PTPN18: variants seen among roughly 807,000 people sequenced by gnomAD.
The protein encoded by PTPN18 is tyrosine-protein phosphatase non-receptor type 18.
Under a neutral mutation model 65.4 loss-of-function variants are expected in PTPN18, and 65 were observed. That is an observed-to-expected ratio of 0.99 (90% confidence interval 0.81 to 1.22). The LOEUF is 1.22. Among genes scored for constraint, PTPN18 ranks in the 50% most tolerant of loss-of-function variants. The pLI is 0.00. For missense variants in PTPN18, 616 were observed against 646.5 expected (o/e 0.95, Z 0.51); for synonymous variants, 255 against 267.8 (o/e 0.95, Z 0.47).
chr2:130,372,418 T>A lies in PTPN18; in HGVS notation c.1175T>A (p.Val392Glu), dbSNP rs942692741. 1.5e-6 allele frequency: 2 copies of A among 1,366,382 alleles called. No homozygotes were observed. Among genetic ancestry groups the A allele is most frequent in the Admixed American group, 7.5e-5 (2 of 26,548 alleles). 84.6% of individuals were successfully genotyped at this position (1,366,382 alleles called of 1,614,324 possible). A position where few individuals can be genotyped will look rare whatever the true frequency, so the allele number is the denominator to read the frequency against. Reference sequence around the variant, plus strand: ...GAGGAGGCGCCGCTCTACAGCAAGGTGACGCCGCGCGCCCAGCGACCCGGG... The same window carrying A: ...GAGGAGGCGCCGCTCTACAGCAAGGAGACGCCGCGCGCCCAGCGACCCGGG... ...SAEEAPLYSK[V>E]TPRAQRPGAH... Residue 392 changes from valine (V) to glutamate (E), a missense_variant, in exon 13 of 15, where the codon GTG (valine) becomes GAG (glutamate). By Grantham distance (121) the Val-to-Glu change is moderately radical. Around this residue, in one of 3 missense-constraint regions of PTPN18, gnomAD observed 368 missense variants for 386.7 expected, o/e 0.95. Transcript: ENST00000175756.
intron 2 of PTPN18, 81 bp downstream of exon 2, chr2:130,359,056 C>G: frequency 6.7e-7 from 1 of 1,495,998 alleles, no homozygotes; most frequent in South Asian, 1.2e-5. Flanking sequence ...CTGGAGTCAC[C>G]CACTGTGCTC....
At chr2:130,358,235 T>G (rs971495725) in intron 1 of PTPN18, among the ~76,000 whole-genome samples, 1 of 152,234 alleles carries the variant, frequency 6.6e-6, no homozygotes, top group Non-Finnish European at 1.5e-5. Flanking sequence ...GAATAGTGGC[T>G]GGCACACAGT....
Position 130,361,519 on chromosome 2 carries a change from T to TC in PTPN18, c.414+1873_414+1874insC, listed in dbSNP as rs1491119204. 4.8e-4 allele frequency among the ~76,000 whole-genome samples: 25 copies of TC among 51,666 alleles called. No homozygotes were observed. The East Asian group carries it at 0.013, about 26-fold the overall frequency. 33.9% of individuals were successfully genotyped at this position (51,666 alleles called of 152,430 possible). A position where few individuals can be genotyped will look rare whatever the true frequency, so the allele number is the denominator to read the frequency against. ...AATTTCTTTCTTTTCTTTCTCTTTC[T>TC]TTCTTTCTTTCTTTCTTTCTTTCTT... is the stretch of plus-strand genomic sequence containing the variant. On this transcript the variant is annotated intron_variant, in intron 5 of 14. Transcript: ENST00000175756.
At chr2:130,369,270 A>G in intron 6 of PTPN18, 69 bp downstream of exon 6, 1 of 1,441,840 alleles carries the variant, frequency 6.9e-7, no homozygotes, top group Non-Finnish European at 9.7e-7. Context: ...TAAAAGGTTG[A>G]ATGATTTAAC....
chr2:130,359,171 G>C, intron 2 of PTPN18, 62 bp from the exon 3 acceptor site: 1 of 1,595,170 alleles, frequency 6.3e-7, no homozygotes, highest in Admixed American at 1.7e-5. Flanking sequence ...CTAGGGGGCT[G>C]TCAGAGGCTC....
At chr2:130,363,965 T>C (rs1479648192) in intron 5 of PTPN18, among the ~76,000 whole-genome samples, 1 of 151,940 alleles carries the variant, frequency 6.6e-6, no homozygotes, top group Admixed American at 6.6e-5. Context: ...TTTTTAATTA[T>C]AGCCATCCTA....
Position 130,359,320 on chromosome 2 carries a change from G to A in PTPN18, c.279+11G>A. ...GGCAACTTCATCCGGGTGAGGGTTG[G>A]GGTCACGGAAGGAGGTGGACTGGGA... is the stretch of plus-strand genomic sequence containing the variant. On this transcript the variant is annotated intron_variant, in intron 3 of 14. Coordinates refer to ENST00000175756, the MANE Select transcript of PTPN18 (RefSeq NM_014369.4). 2 of 1,614,186 alleles carry A rather than the reference G, an allele frequency of 1.2e-6. No homozygotes were observed. The highest frequency in any genetic ancestry group is 1.7e-6 in the Non-Finnish European group (2 of 1,180,034).
intron 2 of PTPN18, 41 bp downstream of exon 2, chr2:130,359,016 C>T (rs780486903): frequency 2.0e-5 from 32 of 1,590,660 alleles, no homozygotes; most frequent in Middle Eastern, 1.7e-4. Flanking sequence ...CAGCCTTGCA[C>T]GCCCTGCCAC....
In PTPN18 at chr2:130,359,656, C is replaced by A; in HGVS notation, c.414+10C>A. The A allele has an allele frequency of 1.2e-6, 2 of 1,613,608 alleles. No homozygotes were observed. The highest frequency in any genetic ancestry group is 1.7e-6 in the Non-Finnish European group (2 of 1,179,516). ...GATAGAGAATGGGCGGGTAGGTGCC[C>A]TCTGCCCCCAGGTTTCATGTCCTTG... On this transcript the variant is annotated intron_variant, in intron 5 of 14. Coordinates refer to ENST00000175756, the MANE Select transcript of PTPN18 (RefSeq NM_014369.4).
chr2:130,360,518 T>C (rs1477059441), intron 5 of PTPN18, among the ~76,000 whole-genome samples: 2 of 152,176 alleles, frequency 1.3e-5, no homozygotes, highest in African/African-American at 4.8e-5. Context: ...TCTCTCTCTC[T>C]CTCTGTCTCA....
At chr2:130,369,675 C>T in intron 6 of PTPN18, 90 bp from the exon 7 acceptor site, 2 of 1,300,600 alleles carry the variant, frequency 1.5e-6, no homozygotes, top group South Asian at 1.4e-5. Context: ...ATTTTTTAAT[C>T]AGGAATGCTT....
intron 1 of PTPN18, among the ~76,000 whole-genome samples, chr2:130,357,542 A>G (rs182560690): frequency 6.6e-6 from 1 of 152,374 alleles, no homozygotes; most frequent in African/African-American, 2.4e-5. Flanking sequence ...TTATTTGATA[A>G]ATTCATAAGT....
Position 130,359,406 on chromosome 2 carries a change from G to T in PTPN18, c.289G>T (p.Gly97Ter). 6.2e-7 allele frequency: 1 copy of T among 1,614,172 alleles called. No individual in the cohort carries two copies. Among genetic ancestry groups the T allele is most frequent in the Non-Finnish European group, 8.5e-7 (1 of 1,180,020 alleles). Residue 97 changes from glycine (G) to a stop codon, truncating the protein, a stop_gained, in exon 4 of 15, where the codon GGA (glycine) becomes TGA (stop). Transcript: ENST00000175756. LOFTEE classifies it high-confidence loss of function. Reference protein sequence around the residue: ...INGNFIRGVDGSLAYIATQGP... With the variant: ...INGNFIRGVD ...ATTCGGCCTTCACCAGGGCGTGGAT[G>T]GAAGCCTGGCCTACATTGCCACGCA...
Position 130,365,622 on chromosome 2 carries a change from G to A in PTPN18, c.415-3511G>A, listed in dbSNP as rs182218884. 1.7e-4 allele frequency among the ~76,000 whole-genome samples: 26 copies of A among 152,298 alleles called. No homozygotes were observed. The East Asian group carries it at 5.0e-3, about 29-fold the overall frequency. On this transcript the variant is annotated intron_variant, in intron 5 of 14. Coordinates refer to ENST00000175756, the MANE Select transcript of PTPN18 (RefSeq NM_014369.4). ...TCTATTGTGTTGCTGTGCTTTTGGTGTATCTGAGAAGTCATTGTCTAATCA... is the reference window on the plus strand; with the variant it reads ...TCTATTGTGTTGCTGTGCTTTTGGTATATCTGAGAAGTCATTGTCTAATCA...
In PTPN18 at chr2:130,372,884, C is replaced by A. The variant is rs369814810; in HGVS notation, c.1252C>A (p.Gln418Lys). The change falls in exon 14 of 15, where the codon CAA (glutamine) becomes AAA (lysine). Residue 418 changes from glutamine (Q) to lysine (K), a missense_variant. This residue lies in a region of PTPN18 where 368 missense variants were observed against 386.7 expected (regional missense o/e 0.95). Coordinates refer to ENST00000175756, the MANE Select transcript of PTPN18 (RefSeq NM_014369.4). The part of the protein sequence containing the change: ...GTLPGRVPAD[Q>K]SPAGSGAYED... Reference sequence around the variant, plus strand: ...TCTGCTGCCCTCAGTTCCTGCTGACCAAAGTCCTGCCGGATCTGGCGCCTA... The same window carrying A: ...TCTGCTGCCCTCAGTTCCTGCTGACAAAAGTCCTGCCGGATCTGGCGCCTA... 6.2e-7 allele frequency: 1 copy of A among 1,614,188 alleles called. No homozygotes were observed. Among genetic ancestry groups the A allele is most frequent in the Non-Finnish European group, 8.5e-7 (1 of 1,180,024 alleles).
chr2:130,358,994 A>G lies in PTPN18; in HGVS notation c.202+19A>G. 1 of 1,612,402 alleles carries G rather than the reference A, an allele frequency of 6.2e-7. No homozygotes were observed. The highest frequency in any genetic ancestry group is 8.5e-7 in the Non-Finnish European group (1 of 1,178,698). On this transcript the variant is annotated intron_variant, in intron 2 of 14. Coordinates refer to ENST00000175756, the MANE Select transcript of PTPN18 (RefSeq NM_014369.4). ...CTGCCTTGTAAGTCGGGGCTTCCGT[A>G]GGGAGTCGGTGCAGCCTTGCACGCC... is the stretch of plus-strand genomic sequence containing the variant.
At chr2:130,372,772 T>G in intron 13 of PTPN18, 101 bp from the exon 14 acceptor site, 2 of 1,412,096 alleles carry the variant, frequency 1.4e-6, no homozygotes, top group Non-Finnish European at 2.0e-6. Flanking sequence ...CGCCCTCGGC[T>G]CTCCCCTTCG....
At chr2:130,358,610 C>T (rs1372639858) in intron 1 of PTPN18, among the ~76,000 whole-genome samples, 2 of 152,058 alleles carry the variant, frequency 1.3e-5, no homozygotes, top group Non-Finnish European at 2.9e-5. Context: ...ACAATGGGGA[C>T]GTCAATAATA....
chr2:130,356,079 C>T lies in PTPN18; in HGVS notation c.-29C>T, dbSNP rs563474680. 2,617 of 1,224,226 alleles carry T rather than the reference C, an allele frequency of 2.1e-3. 48 individuals are homozygous for T. In the African/African-American group the frequency reaches 0.035, roughly 16 times the overall value. 75.8% of individuals were successfully genotyped at this position (1,224,226 alleles called of 1,614,324 possible). ...CCACACTCGCCGCGCGCGCGGCGGC[C>T]GGGCTGGACCTTGCTGGCCCGCGGC... On this transcript the variant is annotated 5_prime_UTR_variant, in exon 1 of 15. Coordinates refer to ENST00000175756, the MANE Select transcript of PTPN18 (RefSeq NM_014369.4).
Sources: gnomAD v4.1 joint callset for allele counts (sites outside exome capture counted in the v4.1 genomes callset) on GRCh38, gnomAD v4.1.1 for gene constraint, gnomAD v4.1.1 regional missense constraint, MANE v1.5 for transcripts, NCBI Gene and HGNC (gene_info 2026-07-23, HGNC 2026-07-21) for gene names.